Variants in MAEA observed in about 807,000 individuals in gnomAD.
MAEA encodes macrophage erythroblast attacher, E3 ubiquitin ligase.
Under a neutral mutation model 46.2 loss-of-function variants are expected in MAEA, and 22 were observed. The observed-to-expected ratio is 0.48, with a 90% confidence interval of 0.34 to 0.68. The LOEUF is 0.68. MAEA is among the 30% of genes least tolerant of loss of function. MAEA has a pLI of 0.01. For synonymous variants in MAEA, 246 were observed against 222.6 expected, an observed-to-expected ratio of 1.11 and a Z score of -0.94; for missense variants, 393 against 558.1, an observed-to-expected ratio of 0.70 and a Z score of 2.98.
At chr4:1,315,257 G>A (rs1736979024) in intron 2 of MAEA, 140 bp from the exon 3 acceptor site, 3 of 765,544 alleles carry the variant, frequency 3.9e-6, no homozygotes, top group Admixed American at 2.6e-5. Flanking sequence ...AGCGGACTCG[G>A]TAGAGCACGG....
chr4:1,290,604 G>C (rs1181641152), intron 1 of MAEA, among the ~76,000 whole-genome samples: 1 of 152,210 alleles, frequency 6.6e-6, no homozygotes, highest in African/African-American at 2.4e-5. Context: ...TCTTTACCTA[G>C]TTAGTAGAGG....
intron 1 of MAEA, among the ~76,000 whole-genome samples, chr4:1,293,279 C>G: frequency 6.6e-6 from 1 of 151,814 alleles, no homozygotes. Context: ...GTAGTCCCAG[C>G]TAATTGGGAG....
chr4:1,309,525 G>A (rs550893500), intron 1 of MAEA: 130 of 1,381,202 alleles, frequency 9.4e-5, no homozygotes, highest in Non-Finnish European at 1.2e-4. Context: ...GAGAGGGGGT[G>A]CTGCGCTCAT....
Position 1,339,971 on chromosome 4 carries a change from C to A in MAEA, c.*802C>A, listed in dbSNP as rs759433997. On this transcript the variant is annotated 3_prime_UTR_variant, in exon 9 of 9. Coordinates refer to ENST00000303400, the MANE Select transcript of MAEA (RefSeq NM_001017405.3). The stretch of plus-strand genomic sequence containing the variant: ...CTATCCATTACAGAAATTAATCGTT[C>A]AGTTGAAAGAAGTACTGATGACTTT... 1 of 152,656 alleles carries A rather than the reference C, an allele frequency of 6.6e-6. No homozygotes were observed. Among genetic ancestry groups the A allele is most frequent in the African/African-American group, 2.4e-5 (1 of 41,460 alleles). 9.5% of individuals were successfully genotyped at this position (152,656 alleles called of 1,614,324 possible).
rs1165658126 is a variant in MAEA at position 1,311,134 on chromosome 4, C to T, written c.70-845C>T. On this transcript the variant is annotated intron_variant, in intron 1 of 8. Transcript: ENST00000303400. The surrounding 1 kb of genome is among the most constrained non-coding windows in gnomAD (Gnocchi z 4.4). ...GCTTGTTCTGGCACAGCTGCGACGG[C>T]AGAGTTGGGCCCACTGCTCTTGGGC... is the stretch of plus-strand genomic sequence containing the variant. Among the ~76,000 whole-genome samples, 1 of 152,220 alleles carries T rather than the reference C, an allele frequency of 6.6e-6. No homozygotes were observed. Among genetic ancestry groups the T allele is most frequent in the Non-Finnish European group, 1.5e-5 (1 of 68,042 alleles).
intron 4 of MAEA, among the ~76,000 whole-genome samples, chr4:1,326,616 C>A (rs929084556): frequency 3.9e-5 from 6 of 152,124 alleles, no homozygotes; most frequent in African/African-American, 1.4e-4. Flanking sequence ...CCTGCAGGAG[C>A]TTCCCCCACC....
In MAEA at chr4:1,310,252, G is replaced by A. The variant is rs565283727; in HGVS notation, c.70-1727G>A. The stretch of plus-strand genomic sequence containing the variant: ...CAGGGCCTCGGGGGGGCCTTCCCCA[G>A]TGGGTCTCGTTGAGCTCGCTTGCAC... On this transcript the variant is annotated intron_variant, in intron 1 of 8. Transcript: ENST00000303400. Among the ~76,000 whole-genome samples the A allele has an allele frequency of 2.2e-3, 339 of 152,338 alleles. 5 individuals carry two copies. Among genetic ancestry groups the A allele is most frequent in the Middle Eastern group, 6.8e-3 (2 of 294 alleles).
Position 1,294,192 on chromosome 4 carries a change from G to C in MAEA, c.69+4210G>C, listed in dbSNP as rs563518453. On this transcript the variant is annotated intron_variant, in intron 1 of 8. Coordinates refer to ENST00000303400, the MANE Select transcript of MAEA (RefSeq NM_001017405.3). ...AATTCCTTCTGCCCAGAAGAGCCAT[G>C]GTCTGCCCTTTGTGGCTCCCAGCTC... Among the ~76,000 whole-genome samples, 5 of 152,314 alleles carry C rather than the reference G, an allele frequency of 3.3e-5. No individual in the cohort carries two copies. The South Asian group carries it at 1.0e-3, about 32-fold the overall frequency.
At chr4:1,294,017 C>G (rs1312216484) in intron 1 of MAEA, among the ~76,000 whole-genome samples, 2 of 152,374 alleles carry the variant, frequency 1.3e-5, no homozygotes, top group East Asian at 3.9e-4. Context: ...GACTTACTGA[C>G]ACACACATTG....
At chr4:1,314,840 C>T (rs574640205) in intron 2 of MAEA, among the ~76,000 whole-genome samples, 4 of 152,274 alleles carry the variant, frequency 2.6e-5, no homozygotes, top group Non-Finnish European at 4.4e-5. Flanking sequence ...GAAGCCAGCC[C>T]GGATCCTGGA....
chr4:1,338,261 G>A (rs575584284), intron 7 of MAEA, 161 bp from the exon 8 acceptor site: 5 of 564,482 alleles, frequency 8.9e-6, no homozygotes, highest in East Asian at 8.7e-5. Context: ...TTTAGCTGTC[G>A]AGTGCAGCAC....
chr4:1,325,153 G>C (rs1319285825), intron 4 of MAEA, among the ~76,000 whole-genome samples: 1 of 152,170 alleles, frequency 6.6e-6, no homozygotes, highest in Non-Finnish European at 1.5e-5. Context: ...GAGCCAGACT[G>C]TGCTCTAACG....
At chr4:1,321,882 T>C (rs573249389) in intron 3 of MAEA, among the ~76,000 whole-genome samples, 1 of 151,962 alleles carries the variant, frequency 6.6e-6, no homozygotes, top group Admixed American at 6.5e-5. Flanking sequence ...TGTTTTTTTT[T>C]TTTTTCTTTG....
chr4:1,324,285 G>T (rs1006855787), intron 4 of MAEA, among the ~76,000 whole-genome samples: 1 of 150,410 alleles, frequency 6.6e-6, no homozygotes, highest in Non-Finnish European at 1.5e-5. Context: ...ATGCCTGGTG[G>T]ATGAGTGTGT....
intron 6 of MAEA, among the ~76,000 whole-genome samples, chr4:1,336,495 CAG>C: frequency 6.6e-6 from 1 of 152,070 alleles, no homozygotes; most frequent in East Asian, 1.9e-4. Context: ...GTGTTGAAAT[CAG>C]AGTTAAGTCA....
intron 4 of MAEA, among the ~76,000 whole-genome samples, chr4:1,325,441 G>T (rs532116199): frequency 6.6e-6 from 1 of 152,210 alleles, no homozygotes; most frequent in Non-Finnish European, 1.5e-5. Context: ...TAAGTTTCAC[G>T]ACATAGACAC....
chr4:1,291,260 A>C (rs1264296109), intron 1 of MAEA, among the ~76,000 whole-genome samples: 2 of 152,200 alleles, frequency 1.3e-5, no homozygotes, highest in Non-Finnish European at 1.5e-5. Flanking sequence ...GACCTCCCAA[A>C]GCGCTGGGCT....
At chr4:1,297,413 G>A (rs1243171552) in intron 1 of MAEA, among the ~76,000 whole-genome samples, 2 of 148,280 alleles carry the variant, frequency 1.3e-5, no homozygotes, top group Admixed American at 6.6e-5. Flanking sequence ...CCCAGAGCAC[G>A]GGGCTGGCCA....
chr4:1,296,651 C>G (rs1356469878), intron 1 of MAEA, among the ~76,000 whole-genome samples: 1 of 150,550 alleles, frequency 6.6e-6, no homozygotes, highest in African/African-American at 2.5e-5. Context: ...TTGCCCCCGT[C>G]CTCCTCCAGC....
Sources: allele counts gnomAD v4.1 joint callset (sites outside exome capture counted in the v4.1 genomes callset), GRCh38; gene constraint gnomAD v4.1.1; non-coding constraint Gnocchi (gnomAD v3.1); transcripts MANE v1.5; gene names NCBI Gene and HGNC (gene_info 2026-07-23, HGNC 2026-07-21).